Variants in ST6GAL2 observed in about 807,000 individuals in gnomAD.
ST6GAL2 encodes beta-galactoside alpha-2,6-sialyltransferase 2.
In ST6GAL2, 24 loss-of-function variants were observed where a neutral mutation model predicts 37.5. That is an observed-to-expected ratio of 0.64 (90% CI 0.46 to 0.90). The LOEUF (loss-of-function observed/expected upper bound fraction) is 0.90. Among genes scored for constraint, ST6GAL2 ranks in the 40% least tolerant of loss-of-function variants. The pLI is 0.00. For synonymous variants in ST6GAL2, 306 were observed against 295.1 expected, an observed-to-expected ratio of 1.04 and a Z score of -0.38; for missense variants, 715 against 712.7, an observed-to-expected ratio of 1.00 and a Z score of -0.04.
chr2:106,842,911 G>C (rs1453023418), intron 2 of ST6GAL2, 124 bp downstream of exon 2: 3 of 593,864 alleles, frequency 5.1e-6, no homozygotes, highest in Non-Finnish European at 7.8e-6. Context: ...CTAATATTAG[G>C]AACACCTGGT....
chr2:106,855,391 T>C, intron 1 of ST6GAL2, among the ~76,000 whole-genome samples: 1 of 152,194 alleles, frequency 6.6e-6, no homozygotes, highest in Non-Finnish European at 1.5e-5. Context: ...ATCTCTTAGC[T>C]CCATCTCTGT....
chr2:106,844,093 G>A, intron 1 of ST6GAL2, 59 bp from the exon 2 acceptor site: 1 of 804,854 alleles, frequency 1.2e-6, no homozygotes, highest in Admixed American at 2.8e-5. Context: ...ATGCTGCTGG[G>A]GACATTCTAT....
At chr2:106,831,488 A>G (rs531101107) in intron 4 of ST6GAL2, among the ~76,000 whole-genome samples, 1 of 152,360 alleles carries the variant, frequency 6.6e-6, no homozygotes, top group East Asian at 1.9e-4. Context: ...AGGAAGTTGA[A>G]AAGTTCAAAC....
At chr2:106,846,681 CAT>C (rs1289866849) in intron 1 of ST6GAL2, among the ~76,000 whole-genome samples, 2 of 152,172 alleles carry the variant, frequency 1.3e-5, no homozygotes, top group Non-Finnish European at 2.9e-5. Flanking sequence ...TTTGTATTCA[CAT>C]GAGAGCAAGG....
At chr2:106,830,758 A>G (rs12988368) in intron 4 of ST6GAL2, among the ~76,000 whole-genome samples, 22,412 of 152,152 alleles carry the variant, frequency 0.15, 2,310 homozygotes, top group East Asian at 0.49. Flanking sequence ...CATCTACAGT[A>G]ACAGAAATTG....
intron 2 of ST6GAL2, among the ~76,000 whole-genome samples, chr2:106,840,490 A>G (rs781462840): frequency 6.6e-6 from 1 of 152,238 alleles, no homozygotes; most frequent in African/African-American, 2.4e-5. Flanking sequence ...CTATGGTTAC[A>G]TGTTCTTAAA....
chr2:106,827,271 T>C (rs1676244497), intron 5 of ST6GAL2, among the ~76,000 whole-genome samples: 1 of 152,224 alleles, frequency 6.6e-6, no homozygotes, highest in Admixed American at 6.5e-5. Context: ...ATTTTACTGC[T>C]ATTTAAGGAT....
intron 5 of ST6GAL2, among the ~76,000 whole-genome samples, chr2:106,814,153 C>CTGCATTATTTGTTGTTATCACTGCATT (rs1675713055): frequency 6.6e-6 from 1 of 152,146 alleles, no homozygotes. Flanking sequence ...ATTTTTAGCT[C>CTGCATTATTTGTTGTTATCACTGCATT]ATTTACACTG....
chr2:106,882,500 T>C (rs1678794311), intron 1 of ST6GAL2, among the ~76,000 whole-genome samples: 1 of 152,220 alleles, frequency 6.6e-6, no homozygotes, highest in African/African-American at 2.4e-5. Context: ...GCAAATTAGT[T>C]ACTATTATTA....
rs1675320930 is a variant in ST6GAL2, at chr2:106,803,460, G to C, written c.*3218C>G. 6.6e-6 allele frequency: 1 copy of C among 152,176 alleles called. No homozygotes were observed. The highest frequency in any genetic ancestry group is 1.5e-5 in the Non-Finnish European group (1 of 68,046). The allele number at this position is 152,176 out of a possible 1,614,324, so 9.4% of individuals were successfully genotyped here. On this transcript the variant is annotated 3_prime_UTR_variant, in exon 6 of 6. Transcript: ENST00000409382. ...AGCTCTATAAGGACATAGTGAGAAA[G>C]GTCAGCTCCCTGGGACGAGCATCGG...
rs1360160407 is a variant in ST6GAL2 at position 106,843,697 on chromosome 2, C to G, written c.281G>C (p.Gly94Ala). Residue 94 changes from glycine (G) to alanine (A), a missense_variant, in exon 2 of 6, where the codon GGA (glycine) becomes GCA (alanine). Transcript: ENST00000409382. ...GGACTGGGCCCATTTCTGCAGGTCT[C>G]CAGGCCCCGCATGAAAGGAACCGGC... ...HPAGSFHAGP[G>A]DLQKWAQSQD... is the part of the protein sequence containing the mutation. 1.9e-6 allele frequency: 3 copies of G among 1,613,200 alleles called. No homozygotes were observed. The highest frequency in any genetic ancestry group is 2.2e-5 in the South Asian group (2 of 91,080).
At chr2:106,832,699 AG>A in intron 3 of ST6GAL2, 33 bp from the exon 4 acceptor site, 1 of 1,421,048 alleles carries the variant, frequency 7.0e-7, no homozygotes, top group Non-Finnish European at 1.0e-6. Context: ...TTTCAAAGCC[AG>A]GGTTTGGTTT....
chr2:106,803,290 G>T lies in ST6GAL2; in HGVS notation c.*3388C>A, dbSNP rs554987341. 6.6e-6 allele frequency: 1 copy of T among 152,162 alleles called. No homozygotes were observed. The highest frequency in any genetic ancestry group is 6.5e-5 in the Admixed American group (1 of 15,282). The allele number at this position is 152,162 out of a possible 1,614,324, so 9.4% of individuals were successfully genotyped here. Reference sequence around the variant, plus strand: ...AGACACATGGGAAGTGCTGTTTCTCGAAGCTCTGCCTTCAGGCAGACAAGG... The same window carrying T: ...AGACACATGGGAAGTGCTGTTTCTCTAAGCTCTGCCTTCAGGCAGACAAGG... On this transcript the variant is annotated 3_prime_UTR_variant, in exon 6 of 6. Coordinates refer to ENST00000409382, the MANE Select transcript of ST6GAL2 (RefSeq NM_001142351.2).
chr2:106,837,979 C>G (rs1490106771), intron 2 of ST6GAL2, among the ~76,000 whole-genome samples: 1 of 152,124 alleles, frequency 6.6e-6, no homozygotes, highest in East Asian at 1.9e-4. Flanking sequence ...AGTGCAAGCC[C>G]TCTATGAACA....
chr2:106,848,276 A>G (rs564987527), intron 1 of ST6GAL2, among the ~76,000 whole-genome samples: 27 of 152,232 alleles, frequency 1.8e-4, no homozygotes, highest in Non-Finnish European at 3.2e-4. Context: ...AAACAGTCCT[A>G]TCGCTAAGGA....
Position 106,843,749 on chromosome 2 carries a change from G to A in ST6GAL2, c.229C>T (p.Arg77Cys), listed in dbSNP as rs778092767. 6.8e-6 allele frequency: 11 copies of A among 1,611,428 alleles called. No homozygotes were observed. Among genetic ancestry groups the A allele is most frequent in the East Asian group, 6.7e-5 (3 of 44,834 alleles). ...EPSPPGGLDARQALPRAHPAG... is the reference protein window; with the variant it reads ...EPSPPGGLDACQALPRAHPAG... ...GGGTGGGCGCGGGGCAGCGCCTGGC[G>A]TGCGTCCAGGCCCCCAGGCGGGGAG... is the stretch of plus-strand genomic sequence containing the variant. Residue 77 changes from arginine to cysteine, a missense_variant, in exon 2 of 6, where the codon CGC becomes TGC. Coordinates refer to ENST00000409382, the MANE Select transcript of ST6GAL2 (RefSeq NM_001142351.2).
intron 2 of ST6GAL2, among the ~76,000 whole-genome samples, chr2:106,838,497 C>G (rs924132136): frequency 1.3e-5 from 2 of 152,206 alleles, no homozygotes; most frequent in East Asian, 3.9e-4. Context: ...GTAACCCTCA[C>G]CTCTTGATGT....
At chr2:106,868,878 C>A (rs897008141) in intron 1 of ST6GAL2, among the ~76,000 whole-genome samples, 43 of 152,022 alleles carry the variant, frequency 2.8e-4, no homozygotes, top group Non-Finnish European at 4.3e-4. Context: ...GAAAAAAAAA[C>A]CACTTATGAA....
intron 1 of ST6GAL2, among the ~76,000 whole-genome samples, chr2:106,857,856 G>T (rs530945166): frequency 1.3e-5 from 2 of 152,102 alleles, no homozygotes; most frequent in African/African-American, 2.4e-5. Context: ...ACAATGCCTC[G>T]CTGCTGACAA....
Sources: gnomAD v4.1 joint callset for allele counts (sites outside exome capture counted in the v4.1 genomes callset) on GRCh38, gnomAD v4.1.1 for gene constraint, MANE v1.5 for transcripts, NCBI Gene and HGNC (gene_info 2026-07-23, HGNC 2026-07-21) for gene names.